Variants in TENM3 observed in about 807,000 individuals in gnomAD.
TENM3 encodes teneurin-3.
Under a neutral mutation model 255.1 loss-of-function variants are expected in TENM3, and 63 were observed. That is an observed-to-expected ratio of 0.25 (90% confidence interval 0.20 to 0.30). The LOEUF is 0.30. TENM3 is among the 10% of genes least tolerant of loss of function. The pLI is 1.00. For missense variants in TENM3, 2,929 were observed against 3,461.1 expected, an observed-to-expected ratio of 0.85 and a Z score of 3.86; for synonymous variants, 1,306 against 1,322.3, an observed-to-expected ratio of 0.99 and a Z score of 0.27.
At chr4:182,401,402 C>G (rs1455231193) in intron 3 of TENM3, among the ~76,000 whole-genome samples, 1 of 152,152 alleles carries the variant, frequency 6.6e-6, no homozygotes, top group Non-Finnish European at 1.5e-5. Context: ...AAAGAGAGAA[C>G]TTAAAAGTTG....
chr4:181,612,929 T>C, the TENM3 span, among the ~76,000 whole-genome samples: 1 of 152,190 alleles, frequency 6.6e-6, no homozygotes, highest in African/African-American at 2.4e-5. Flanking sequence ...GATAAGAAAA[T>C]ACTTCCACCT....
intron 3 of TENM3, among the ~76,000 whole-genome samples, chr4:182,465,528 C>T (rs1346345038): frequency 2.0e-5 from 3 of 152,104 alleles, no homozygotes; most frequent in Non-Finnish European, 2.9e-5. Context: ...TTGTTTGTAA[C>T]CCACCCCGTT....
At chr4:181,982,148 G>A in the TENM3 span, among the ~76,000 whole-genome samples, 1 of 152,040 alleles carries the variant, frequency 6.6e-6, no homozygotes, top group Admixed American at 6.6e-5. Flanking sequence ...GAAAGACGAC[G>A]GCTATCAGAG....
chr4:182,227,116 TA>T (rs1756210210), intron 1 of TENM3, among the ~76,000 whole-genome samples: 1 of 152,198 alleles, frequency 6.6e-6, no homozygotes, highest in East Asian at 1.9e-4. Context: ...GCTCAAGCAG[TA>T]GACACTCCTT....
At chr4:182,377,337 A>G (rs6849312) in intron 3 of TENM3, among the ~76,000 whole-genome samples, 4,990 of 152,234 alleles carry the variant, frequency 0.033, 146 homozygotes, top group African/African-American at 0.063. Flanking sequence ...ATTTTGAGAC[A>G]GAGTCTTGCT....
the TENM3 span, among the ~76,000 whole-genome samples, chr4:182,093,519 A>C: frequency 6.6e-6 from 1 of 152,210 alleles, no homozygotes; most frequent in African/African-American, 2.4e-5. Flanking sequence ...TGATAGGAAC[A>C]CGTGTGCAGG....
chr4:181,994,550 G>GT, the TENM3 span, among the ~76,000 whole-genome samples: 1 of 108,252 alleles, frequency 9.2e-6, no homozygotes, highest in South Asian at 3.5e-4. Flanking sequence ...TTTGTTTTTT[G>GT]TGGGTTTTTT....
At chr4:182,470,488 A>G (rs1196054822) in intron 3 of TENM3, among the ~76,000 whole-genome samples, 2 of 152,222 alleles carry the variant, frequency 1.3e-5, no homozygotes, top group Non-Finnish European at 2.9e-5. Context: ...GACCACTTGC[A>G]CTAGACCATA....
the TENM3 span, among the ~76,000 whole-genome samples, chr4:182,097,382 T>C: frequency 2.0e-5 from 3 of 152,182 alleles, no homozygotes; most frequent in Non-Finnish European, 4.4e-5. Flanking sequence ...TTGTTTGTTA[T>C]ATTAGATGAT....
intron 3 of TENM3, among the ~76,000 whole-genome samples, chr4:182,407,453 G>A (rs1183373592): frequency 1.3e-5 from 2 of 152,168 alleles, no homozygotes; most frequent in African/African-American, 4.8e-5. Context: ...GAAATGGCTA[G>A]TAGTAAGTAG....
chr4:182,792,975 G>T lies in TENM3; in HGVS notation c.6303G>T (p.Trp2101Cys). ...QYEIFRSLMYWITIQYDNMGR... is the reference protein window; with the variant it reads ...QYEIFRSLMYCITIQYDNMGR... ...AGATATTCAGGTCGCTCATGTACTGGATTACAATTCAGTATGATAACATGG... is the reference window on the plus strand; with the variant it reads ...AGATATTCAGGTCGCTCATGTACTGTATTACAATTCAGTATGATAACATGG... The change falls in exon 26 of 28, where the codon TGG (tryptophan) becomes TGT (cysteine). Residue 2101 changes from tryptophan to cysteine, a missense_variant. Coordinates refer to ENST00000511685, the MANE Select transcript of TENM3 (RefSeq NM_001080477.4). The surrounding 1 kb of genome is among the most constrained non-coding windows in gnomAD (Gnocchi z 6.3). 1 of 1,613,828 alleles carries T rather than the reference G, an allele frequency of 6.2e-7. No individual in the cohort carries two copies. The highest frequency in any genetic ancestry group is 1.1e-5 in the South Asian group (1 of 91,066).
chr4:182,246,216 A>G (rs959107314), intron 1 of TENM3, among the ~76,000 whole-genome samples: 1 of 152,214 alleles, frequency 6.6e-6, no homozygotes, highest in African/African-American at 2.4e-5. Flanking sequence ...ACCCCGGGTC[A>G]TCAGCAGGAT....
At chr4:181,899,798 C>T in the TENM3 span, among the ~76,000 whole-genome samples, 6 of 152,020 alleles carry the variant, frequency 3.9e-5, no homozygotes, top group South Asian at 6.2e-4. Context: ...AATCTCTTGA[C>T]CTTGTGATCC....
rs1412746121 is a variant in TENM3, at chr4:182,527,246, CT to C, written c.512-73674del. Among the ~76,000 whole-genome samples the C allele has an allele frequency of 2.6e-5, 4 of 152,268 alleles. No homozygotes were observed. In the East Asian group the frequency reaches 7.7e-4, roughly 29 times the overall value. Reference sequence around the variant, plus strand: ...TTATTTCCTCCAATTTTGAAACATACTTTTGTTTTTTAACTTTCTGAAATTG... The same window carrying C: ...TTATTTCCTCCAATTTTGAAACATACTTTGTTTTTTAACTTTCTGAAATTG... On this transcript the variant is annotated intron_variant, in intron 3 of 27. Transcript: ENST00000511685.
At chr4:181,657,072 G>A in the TENM3 span, among the ~76,000 whole-genome samples, 6 of 152,344 alleles carry the variant, frequency 3.9e-5, no homozygotes, top group Middle Eastern at 3.4e-3. Context: ...GTAGTAAAAA[G>A]AACGAAGAGG....
chr4:182,210,839 T>C (rs2149889008), intron 1 of TENM3, among the ~76,000 whole-genome samples: 1 of 152,242 alleles, frequency 6.6e-6, no homozygotes, highest in African/African-American at 2.4e-5. Flanking sequence ...CTTCTCTCAG[T>C]CTAGGTACCC....
chr4:181,534,739 C>T, the TENM3 span, among the ~76,000 whole-genome samples: 1 of 152,158 alleles, frequency 6.6e-6, no homozygotes, highest in South Asian at 2.1e-4. Flanking sequence ...CAGTAAAGAA[C>T]CCCCTCCACC....
At chr4:181,605,486 G>C in the TENM3 span, among the ~76,000 whole-genome samples, 248 of 17,138 alleles carry the variant, frequency 0.014, 9 homozygotes, top group African/African-American at 0.071. Context: ...AACAGAGAAA[G>C]AAAGAAAGAA....
At chr4:182,660,612 A>G (rs1754148608) in intron 6 of TENM3, among the ~76,000 whole-genome samples, 2 of 152,238 alleles carry the variant, frequency 1.3e-5, no homozygotes, top group African/African-American at 4.8e-5. Context: ...ACTTCTGCAA[A>G]TCAGCATCGG....
Sources: allele counts gnomAD v4.1 joint callset (sites outside exome capture counted in the v4.1 genomes callset), GRCh38; gene constraint gnomAD v4.1.1; non-coding constraint Gnocchi (gnomAD v3.1); transcripts MANE v1.5; gene names NCBI Gene and HGNC (gene_info 2026-07-23, HGNC 2026-07-21).